DTNBP1: variants seen among roughly 807,000 people sequenced by gnomAD.
DTNBP1 encodes the protein dystrobrevin binding protein 1, also known as dysbindin.
A neutral mutation model predicts 42.8 loss-of-function variants in DTNBP1; 35 were observed. That is an observed-to-expected ratio of 0.82 (90% CI 0.63 to 1.09). The LOEUF is 1.09. DTNBP1 is among the 50% of genes least tolerant of loss of function. DTNBP1 has a pLI of 0.00. For synonymous variants in DTNBP1, 171 were observed against 162.2 expected (o/e 1.05, Z -0.41); for missense variants, 457 against 424.2 (o/e 1.08, Z -0.68).
intron 7 of DTNBP1, among the ~76,000 whole-genome samples, chr6:15,574,650 T>G (rs1187172842): frequency 6.6e-6 from 1 of 152,182 alleles, no homozygotes; most frequent in East Asian, 1.9e-4. Context: ...AGCACTGCCC[T>G]CAGCAAGCTG....
At chr6:15,592,993 T>C in intron 7 of DTNBP1, 66 bp downstream of exon 7, 1 of 1,413,656 alleles carries the variant, frequency 7.1e-7, no homozygotes, top group Non-Finnish European at 9.7e-7. Flanking sequence ...TTCATCATTG[T>C]CGAGAGAACA....
chr6:15,643,870 C>A (rs180792979), intron 3 of DTNBP1, among the ~76,000 whole-genome samples: 1 of 152,000 alleles, frequency 6.6e-6, no homozygotes, highest in Non-Finnish European at 1.5e-5. Flanking sequence ...ATAAAGCAAT[C>A]GCACAATAAA....
chr6:15,624,095 C>T (rs967935550), intron 5 of DTNBP1, among the ~76,000 whole-genome samples: 4 of 152,194 alleles, frequency 2.6e-5, no homozygotes, highest in African/African-American at 9.6e-5. Context: ...GTGCGTGGTG[C>T]GTGGCAGATG....
In DTNBP1 at chr6:15,585,646, T is replaced by G. The variant is rs966134068; in HGVS notation, c.511+7413A>C. 2.9e-5 allele frequency: 43 copies of G among 1,487,638 alleles called. 1 individual carries two copies. The highest frequency in any genetic ancestry group is 1.7e-4 in the Middle Eastern group (1 of 5,882). 92.2% of individuals were successfully genotyped at this position (1,487,638 alleles called of 1,614,324 possible). ...TCTGCATACCATGCAAATACAGCAA[T>G]GTATCCAGGCATGGAAATAAACATT... On this transcript the variant is annotated intron_variant, in intron 7 of 9. Coordinates refer to ENST00000344537, the MANE Select transcript of DTNBP1 (RefSeq NM_032122.5).
intron 3 of DTNBP1, among the ~76,000 whole-genome samples, chr6:15,642,945 C>T (rs1192898543): frequency 1.3e-5 from 2 of 152,180 alleles, no homozygotes; most frequent in African/African-American, 4.8e-5. Flanking sequence ...CATTAGCTCT[C>T]TAGCAATGGA....
At chr6:15,577,183 G>A (rs560131690) in intron 7 of DTNBP1, among the ~76,000 whole-genome samples, 1 of 152,346 alleles carries the variant, frequency 6.6e-6, no homozygotes, top group South Asian at 2.1e-4. Flanking sequence ...GCCTGCTGGA[G>A]GGAGCAAAAT....
intron 5 of DTNBP1, among the ~76,000 whole-genome samples, chr6:15,617,215 A>T (rs1220794325): frequency 1.3e-5 from 2 of 152,090 alleles, no homozygotes; most frequent in Non-Finnish European, 2.9e-5. Flanking sequence ...CTAATGAAAG[A>T]AGTTGAAGAA....
intron 7 of DTNBP1, among the ~76,000 whole-genome samples, chr6:15,557,306 T>C (rs1243247414): frequency 6.6e-6 from 1 of 151,110 alleles, no homozygotes; most frequent in Non-Finnish European, 1.5e-5. Context: ...AAGTTAGATA[T>C]GATAAAGCTG....
chr6:15,522,854 A>G lies in DTNBP1; in HGVS notation c.*121T>C. 1.2e-5 allele frequency: 18 copies of G among 1,547,112 alleles called. No individual in the cohort carries two copies. Among genetic ancestry groups the G allele is most frequent in the Non-Finnish European group, 1.6e-5 (18 of 1,127,220 alleles). The stretch of plus-strand genomic sequence containing the variant: ...GTTAGCTGTTCTTTAAGTTTCTCAC[A>G]CATTATTGGCAATTATGTAAAAATC... On this transcript the variant is annotated 3_prime_UTR_variant, in exon 10 of 10. Coordinates refer to ENST00000344537, the MANE Select transcript of DTNBP1 (RefSeq NM_032122.5).
intron 7 of DTNBP1, among the ~76,000 whole-genome samples, chr6:15,561,528 C>T (rs1184521183): frequency 6.6e-6 from 1 of 152,210 alleles, no homozygotes; most frequent in East Asian, 1.9e-4. Context: ...ACCGTGAATA[C>T]AAGAGATGCT....
intron 6 of DTNBP1, among the ~76,000 whole-genome samples, chr6:15,599,638 T>C (rs982349554): frequency 6.6e-6 from 1 of 152,068 alleles, no homozygotes; most frequent in African/African-American, 2.4e-5. Flanking sequence ...AAACTAACGT[T>C]GAAAGCCAGG....
Position 15,615,514 on chromosome 6 carries a change from A to G in DTNBP1, c.356-115T>C, listed in dbSNP as rs535855788. The G allele has an allele frequency of 6.5e-5, 90 of 1,384,274 alleles. 1 individual carries two copies. The African/African-American group carries it at 1.1e-3, about 17-fold the overall frequency. 85.7% of individuals were successfully genotyped at this position (1,384,274 alleles called of 1,614,324 possible). On this transcript the variant is annotated intron_variant, in intron 5 of 9. Transcript: ENST00000344537. ...TTGTTGAGATTGTTTTGCATTTTTA[A>G]TGTTTTTTATTAAACTTTCTTGAAG...
rs774796487 is a variant in DTNBP1 at position 15,523,166 on chromosome 6, A to G, written c.865T>C (p.Ser289Pro). Reference sequence around the variant, plus strand: ...GAAGGTGGCTTGGCTCTTAATTCTGAGGGATTTGGAACCTGGAGGGTAATC... The same window carrying G: ...GAAGGTGGCTTGGCTCTTAATTCTGGGGGATTTGGAACCTGGAGGGTAATC... ...NEITLQVPNP[S>P]ELRAKPPSSS... The change falls in exon 10 of 10, where the codon TCA (serine) becomes CCA (proline). Residue 289 changes from serine to proline, a missense_variant. Transcript: ENST00000344537. 6.2e-7 allele frequency: 1 copy of G among 1,614,230 alleles called. No homozygotes were observed. Among genetic ancestry groups the G allele is most frequent in the South Asian group, 1.1e-5 (1 of 91,086 alleles).
At chr6:15,653,048 A>G (rs1761099727) in intron 1 of DTNBP1, among the ~76,000 whole-genome samples, 1 of 152,256 alleles carries the variant, frequency 6.6e-6, no homozygotes, top group South Asian at 2.1e-4. Flanking sequence ...CATAGGAGAA[A>G]TCGATAGGTA....
At chr6:15,564,380 G>A (rs1462688907) in intron 7 of DTNBP1, among the ~76,000 whole-genome samples, 4 of 151,790 alleles carry the variant, frequency 2.6e-5, no homozygotes, top group Non-Finnish European at 5.9e-5. Flanking sequence ...AACCAATTAA[G>A]AAGCAGACAA....
At chr6:15,597,125 G>C (rs898560301) in intron 6 of DTNBP1, among the ~76,000 whole-genome samples, 3 of 152,182 alleles carry the variant, frequency 2.0e-5, no homozygotes, top group Non-Finnish European at 4.4e-5. Context: ...AATAATGCTA[G>C]GTTTGGAATA....
At chr6:15,527,320 A>G (rs939052476) in intron 8 of DTNBP1, among the ~76,000 whole-genome samples, 8 of 152,230 alleles carry the variant, frequency 5.3e-5, no homozygotes, top group Non-Finnish European at 1.2e-4. Context: ...CAGCAGTCCC[A>G]AAGTTAGTAA....
chr6:15,551,536 C>T (rs935911687), intron 7 of DTNBP1, among the ~76,000 whole-genome samples: 9 of 152,140 alleles, frequency 5.9e-5, no homozygotes, highest in East Asian at 5.8e-4. Context: ...TTTGCTCAGA[C>T]GCCTGCACTC....
intron 7 of DTNBP1, among the ~76,000 whole-genome samples, chr6:15,558,830 A>G (rs1774673067): frequency 6.6e-6 from 1 of 152,202 alleles, no homozygotes; most frequent in Non-Finnish European, 1.5e-5. Context: ...GGTTGATGCA[A>G]AAGTAATTTC....
Sources: gnomAD v4.1 joint callset for allele counts (sites outside exome capture counted in the v4.1 genomes callset) on GRCh38, gnomAD v4.1.1 for gene constraint, MANE v1.5 for transcripts, NCBI Gene and HGNC (gene_info 2026-07-23, HGNC 2026-07-21) for gene names.